Variants in CFAP299 observed in about 807,000 individuals in gnomAD.
CFAP299 encodes cilia and flagella associated protein 299.
CFAP299 carries 21 observed loss-of-function variants against 27.0 expected under a neutral mutation model. The ratio of observed to expected loss-of-function variants is 0.78; its 90% CI spans 0.55 to 1.12. The LOEUF (loss-of-function observed/expected upper bound fraction) is 1.12, where lower values mean the gene tolerates loss of function less well. CFAP299 is among the 50% of genes most tolerant of loss of function. The pLI is 0.00. For missense variants in CFAP299, 310 were observed against 276.6 expected (o/e 1.12, Z -0.86); for synonymous variants, 104 against 98.1 (o/e 1.06, Z -0.36).
chr4:80,388,146 G>A (rs1206503249), intron 2 of CFAP299: 6 of 671,924 alleles, frequency 8.9e-6, no homozygotes, highest in Non-Finnish European at 1.6e-5. Context: ...CCCAGGCTGT[G>A]GGGTGGAGGT....
chr4:80,682,446 A>G (rs1719901505), intron 3 of CFAP299, among the ~76,000 whole-genome samples: 1 of 152,178 alleles, frequency 6.6e-6, no homozygotes, highest in Admixed American at 6.5e-5. Flanking sequence ...AATCATGCCT[A>G]GTATTCCATC....
intron 3 of CFAP299, among the ~76,000 whole-genome samples, chr4:80,758,163 A>G (rs560243983): frequency 5.1e-4 from 77 of 152,298 alleles, no homozygotes; most frequent in Middle Eastern, 3.4e-3. Context: ...AGCATCCAGG[A>G]GGAATGAGGT....
At chr4:80,584,504 T>C (rs1213643691) in intron 3 of CFAP299, among the ~76,000 whole-genome samples, 1 of 152,062 alleles carries the variant, frequency 6.6e-6, no homozygotes, top group Non-Finnish European at 1.5e-5. Context: ...TTCCAATTTC[T>C]TTCCAGACTA....
chr4:80,877,338 C>T (rs961776553), intron 4 of CFAP299, among the ~76,000 whole-genome samples: 1 of 152,118 alleles, frequency 6.6e-6, no homozygotes, highest in Admixed American at 6.5e-5. Flanking sequence ...GAGCAGAGAT[C>T]CCAAAAGCCA....
chr4:80,922,195 C>T (rs1736079398), intron 4 of CFAP299, among the ~76,000 whole-genome samples: 1 of 151,982 alleles, frequency 6.6e-6, no homozygotes. Flanking sequence ...TACCATTAGC[C>T]TTAATATATT....
chr4:80,638,297 C>T (rs145266790), intron 3 of CFAP299, among the ~76,000 whole-genome samples: 179 of 152,262 alleles, frequency 1.2e-3, no homozygotes, highest in African/African-American at 3.9e-3. Flanking sequence ...TTTATGCCAA[C>T]GGGCTCCAAT....
chr4:80,575,673 A>C (rs1735817194), intron 2 of CFAP299, among the ~76,000 whole-genome samples: 1 of 131,300 alleles, frequency 7.6e-6, no homozygotes, highest in South Asian at 2.5e-4. Context: ...TTCTTATACC[A>C]ATTTTAGGTT....
At chr4:80,743,132 C>G (rs1411651158) in intron 3 of CFAP299, among the ~76,000 whole-genome samples, 1 of 152,036 alleles carries the variant, frequency 6.6e-6, no homozygotes, top group Non-Finnish European at 1.5e-5. Context: ...GTGGCTCATG[C>G]CTGTAATAAT....
intron 2 of CFAP299, among the ~76,000 whole-genome samples, chr4:80,549,619 A>G (rs1400652008): frequency 6.6e-6 from 1 of 152,146 alleles, no homozygotes; most frequent in Non-Finnish European, 1.5e-5. Flanking sequence ...CAACAGGGTA[A>G]CTGTGGACAC....
chr4:80,611,535 C>G (rs1241817054), intron 3 of CFAP299, among the ~76,000 whole-genome samples: 6 of 151,970 alleles, frequency 3.9e-5, no homozygotes, highest in African/African-American at 1.5e-4. Context: ...CCCATAATAC[C>G]ATACAGCAGG....
At chr4:80,899,516 GA>G (rs2110193763) in intron 4 of CFAP299, among the ~76,000 whole-genome samples, 1 of 152,062 alleles carries the variant, frequency 6.6e-6, no homozygotes, top group East Asian at 1.9e-4. Flanking sequence ...GGACTCAAGA[GA>G]AAAAAAGTCT....
At chr4:80,727,213 C>T (rs1372148320) in intron 3 of CFAP299, among the ~76,000 whole-genome samples, 1 of 151,916 alleles carries the variant, frequency 6.6e-6, no homozygotes, top group African/African-American at 2.4e-5. Flanking sequence ...CCCAGAATTC[C>T]AGGTCATTTA....
In CFAP299 at chr4:80,845,494, C is replaced by G. The variant is rs549889295; in HGVS notation, c.334-24499C>G. ...TGCCTTCTCCACCCTCTTCTCTGCT[C>G]TCACTACTGCTCAGCCACATTGACT... On this transcript the variant is annotated intron_variant, in intron 3 of 5. Transcript: ENST00000358105. 2.6e-5 allele frequency among the ~76,000 whole-genome samples: 4 copies of G among 152,296 alleles called. No homozygotes were observed. The South Asian group carries it at 6.2e-4, about 24-fold the overall frequency.
chr4:80,858,433 T>C (rs1732074669), intron 3 of CFAP299, among the ~76,000 whole-genome samples: 1 of 152,226 alleles, frequency 6.6e-6, no homozygotes, highest in Non-Finnish European at 1.5e-5. Context: ...ATTTTAGTTA[T>C]TTCTTGCCTT....
intron 2 of CFAP299, among the ~76,000 whole-genome samples, chr4:80,409,634 A>G (rs191729383): frequency 1.0e-3 from 158 of 152,056 alleles, no homozygotes; most frequent in African/African-American, 3.7e-3. Context: ...TTTCGTTTTC[A>G]CAGCTTTACT....
chr4:80,884,792 C>T (rs936530319), intron 4 of CFAP299, among the ~76,000 whole-genome samples: 6 of 151,880 alleles, frequency 4.0e-5, no homozygotes, highest in African/African-American at 1.5e-4. Flanking sequence ...AGAATAGAAC[C>T]CTGCATCATT....
chr4:80,890,704 A>C (rs1348421110), intron 4 of CFAP299, among the ~76,000 whole-genome samples: 2 of 150,656 alleles, frequency 1.3e-5, no homozygotes, highest in Non-Finnish European at 2.9e-5. Flanking sequence ...CTATTTCTCC[A>C]CATCCTCTCT....
chr4:80,845,590 C>A (rs1460850523), intron 3 of CFAP299, among the ~76,000 whole-genome samples: 1 of 152,134 alleles, frequency 6.6e-6, no homozygotes, highest in Non-Finnish European at 1.5e-5. Flanking sequence ...TTCCCTTTGC[C>A]TGGAATGTTC....
chr4:80,592,664 C>A (rs1050731633), intron 3 of CFAP299, among the ~76,000 whole-genome samples: 2 of 152,132 alleles, frequency 1.3e-5, no homozygotes, highest in African/African-American at 4.8e-5. Flanking sequence ...AGGGATATAA[C>A]CACGATTACT....
Sources: allele counts gnomAD v4.1 joint callset (sites outside exome capture counted in the v4.1 genomes callset), GRCh38; gene constraint gnomAD v4.1.1; transcripts MANE v1.5; gene names NCBI Gene and HGNC (gene_info 2026-07-23, HGNC 2026-07-21).